Variants in NALCN observed in about 807,000 individuals in gnomAD.
NALCN encodes the protein sodium leak channel, non-selective.
A neutral mutation model predicts 225.3 loss-of-function variants in NALCN; 111 were observed. The observed-to-expected ratio is 0.49, with a 90% CI of 0.42 to 0.58. The LOEUF (loss-of-function observed/expected upper bound fraction) is 0.58. Among genes scored for constraint, NALCN ranks in the 20% least tolerant of loss-of-function variants. The pLI is 0.00. For missense variants in NALCN, 1,378 were observed against 2,202.4 expected, an observed-to-expected ratio of 0.63 and a Z score of 7.49; for synonymous variants, 764 against 769.0, an observed-to-expected ratio of 0.99 and a Z score of 0.11.
intron 7 of NALCN, among the ~76,000 whole-genome samples, chr13:101,318,162 C>T (rs1042460033): frequency 6.6e-6 from 1 of 152,198 alleles, no homozygotes; most frequent in African/African-American, 2.4e-5. Context: ...GTTTTTCTCA[C>T]CCGCTGGGCT....
chr13:101,407,379 GA>G (rs754918905), intron 1 of NALCN, among the ~76,000 whole-genome samples: 9 of 152,166 alleles, frequency 5.9e-5, no homozygotes, highest in Non-Finnish European at 1.2e-4. Context: ...TGCAATAGAT[GA>G]TATCCAAAGT....
At chr13:101,386,513 G>C (rs542754337) in intron 3 of NALCN, among the ~76,000 whole-genome samples, 176 of 151,972 alleles carry the variant, frequency 1.2e-3, no homozygotes, top group Non-Finnish European at 2.1e-3. Context: ...CTGTACTTGG[G>C]TTTAAGAATA....
At chr13:101,270,951 A>G (rs966577338) in intron 10 of NALCN, among the ~76,000 whole-genome samples, 17 of 152,342 alleles carry the variant, frequency 1.1e-4, no homozygotes, top group African/African-American at 3.8e-4. Context: ...TTTGTCTCCA[A>G]TGGACATTTT....
intron 7 of NALCN, among the ~76,000 whole-genome samples, chr13:101,320,578 G>A (rs1555335348): frequency 6.6e-6 from 1 of 151,880 alleles, no homozygotes; most frequent in Non-Finnish European, 1.5e-5. Flanking sequence ...AGTGGGGGAG[G>A]AAAAAAAGAC....
intron 10 of NALCN, among the ~76,000 whole-genome samples, chr13:101,280,710 A>G (rs904866020): frequency 6.6e-6 from 1 of 152,066 alleles, no homozygotes; most frequent in African/African-American, 2.4e-5. Context: ...GAGCCATAAG[A>G]CCCAGCCATT....
chr13:101,187,259 A>G (rs1028084270), intron 14 of NALCN, among the ~76,000 whole-genome samples: 1 of 152,202 alleles, frequency 6.6e-6, no homozygotes, highest in Non-Finnish European at 1.5e-5. Flanking sequence ...TACAAATTAA[A>G]CTTTATCAAA....
chr13:101,315,986 C>T lies in NALCN; in HGVS notation c.800-23620G>A, dbSNP rs74117855. 6.9e-3 allele frequency among the ~76,000 whole-genome samples: 1,046 copies of T among 152,230 alleles called. 20 individuals carry two copies. The highest frequency in any genetic ancestry group is 0.024 in the African/African-American group (1,005 of 41,522). ...ATGGGACAAGATATATTCTCCTCTT[C>T]CTTGCCTTCTTTCCATGTTATGCAG... is the stretch of plus-strand genomic sequence containing the variant. On this transcript the variant is annotated intron_variant, in intron 7 of 43. Transcript: ENST00000251127.
rs560781169 is a variant in NALCN at position 101,053,864 on chromosome 13, C to T, written c.*1431G>A. ...TCAAATCAAATCTAATCCTTTTGGCCACATGACTGGTTGTTCTTTATCTCA... is the reference window on the plus strand; with the variant it reads ...TCAAATCAAATCTAATCCTTTTGGCTACATGACTGGTTGTTCTTTATCTCA... On this transcript the variant is annotated 3_prime_UTR_variant, in exon 44 of 44. Transcript: ENST00000251127. 1 of 152,208 alleles carries T rather than the reference C, an allele frequency of 6.6e-6. No individual in the cohort carries two copies. Among genetic ancestry groups the T allele is most frequent in the South Asian group, 2.1e-4 (1 of 4,822 alleles). 9.4% of individuals were successfully genotyped at this position (152,208 alleles called of 1,614,324 possible). A position where few individuals can be genotyped will look rare whatever the true frequency, so the allele number is the denominator to read the frequency against.
chr13:101,211,199 A>G (rs2040509882), intron 13 of NALCN, among the ~76,000 whole-genome samples: 1 of 152,202 alleles, frequency 6.6e-6, no homozygotes, highest in Non-Finnish European at 1.5e-5. Flanking sequence ...TAAAATTTGA[A>G]CAATGGAACA....
At chr13:101,369,145 C>A in intron 6 of NALCN, 1 of 215,400 alleles carries the variant, frequency 4.6e-6, no homozygotes, top group Non-Finnish European at 9.8e-6. Flanking sequence ...CAAAGAGTCA[C>A]ATAAAAAGAA....
intron 13 of NALCN, among the ~76,000 whole-genome samples, chr13:101,225,114 T>TA (rs1325689048): frequency 1.2e-4 from 18 of 152,154 alleles, no homozygotes; most frequent in African/African-American, 3.9e-4. Flanking sequence ...ATTAAATGTG[T>TA]AAAAAATAAC....
At chr13:101,115,268 A>T (rs1332073935) in intron 18 of NALCN, among the ~76,000 whole-genome samples, 2 of 152,186 alleles carry the variant, frequency 1.3e-5, no homozygotes, top group African/African-American at 4.8e-5. Context: ...TGAAAAAAAA[A>T]AGACATTGCT....
At chr13:101,149,797 T>A (rs1452112) in intron 15 of NALCN, among the ~76,000 whole-genome samples, 2 of 152,086 alleles carry the variant, frequency 1.3e-5, no homozygotes. Context: ...AAGCAAGGAC[T>A]TGTTCTTCTG....
At chr13:101,325,763 G>C (rs565993372) in intron 7 of NALCN, among the ~76,000 whole-genome samples, 6 of 152,188 alleles carry the variant, frequency 3.9e-5, no homozygotes, top group Admixed American at 2.0e-4. Flanking sequence ...GTGGCTAGGA[G>C]ACAAGATGGT....
chr13:101,168,402 CT>C (rs1359493583), intron 15 of NALCN, among the ~76,000 whole-genome samples: 3 of 152,154 alleles, frequency 2.0e-5, no homozygotes, highest in Non-Finnish European at 4.4e-5. Context: ...GACCAAACTT[CT>C]TCCCCCGAAA....
chr13:101,316,010 AGT>A (rs1420525615), intron 7 of NALCN, among the ~76,000 whole-genome samples: 1 of 152,152 alleles, frequency 6.6e-6, no homozygotes, highest in Non-Finnish European at 1.5e-5. Context: ...CATGTTATGC[AGT>A]GTGTTCGACT....
intron 35 of NALCN, 30 bp from the exon 36 acceptor site, chr13:101,074,692 CAGAGAGAGAG>C (rs34229756): frequency 6.9e-7 from 1 of 1,443,210 alleles, no homozygotes; most frequent in Non-Finnish European, 9.3e-7. Flanking sequence ...AGCGGGGAGA[CAGAGAGAGAG>C]AGAGAGAGAG....
intron 7 of NALCN, among the ~76,000 whole-genome samples, chr13:101,324,599 T>C (rs1230559584): frequency 6.6e-6 from 1 of 152,154 alleles, no homozygotes; most frequent in African/African-American, 2.4e-5. Flanking sequence ...TGTATAGGAA[T>C]GCTTGTGATT....
intron 7 of NALCN, among the ~76,000 whole-genome samples, chr13:101,309,925 C>T (rs1160859672): frequency 6.6e-6 from 1 of 152,204 alleles, no homozygotes; most frequent in Non-Finnish European, 1.5e-5. Flanking sequence ...TATTTCCCCT[C>T]AAACATGCTC....
Sources: allele counts gnomAD v4.1 joint callset (sites outside exome capture counted in the v4.1 genomes callset), GRCh38; gene constraint gnomAD v4.1.1; transcripts MANE v1.5; gene names NCBI Gene and HGNC (gene_info 2026-07-23, HGNC 2026-07-21).